ZNF385D: variants seen among roughly 807,000 people sequenced by gnomAD.
ZNF385D encodes the protein zinc finger protein 385D.
Under a neutral mutation model 35.8 loss-of-function variants are expected in ZNF385D, and 15 were observed. That is an observed-to-expected ratio of 0.42 (90% confidence interval 0.28 to 0.64). The LOEUF (loss-of-function observed/expected upper bound fraction) is 0.64, where lower values mean the gene tolerates loss of function less well. ZNF385D is among the 30% of genes least tolerant of loss of function. ZNF385D has a pLI of 0.23. For synonymous variants in ZNF385D, 212 were observed against 186.8 expected, an observed-to-expected ratio of 1.13 and a Z score of -1.10; for missense variants, 474 against 494.6, an observed-to-expected ratio of 0.96 and a Z score of 0.39.
chr3:21,503,575 T>A (rs993907562), intron 4 of ZNF385D, among the ~76,000 whole-genome samples: 2 of 152,178 alleles, frequency 1.3e-5, no homozygotes, highest in South Asian at 2.1e-4. Context: ...TGAATTTTTT[T>A]AAAAATGTGC....
chr3:22,040,441 C>T (rs1340155390), intron 3 of ZNF385D, among the ~76,000 whole-genome samples: 1 of 152,120 alleles, frequency 6.6e-6, no homozygotes, highest in African/African-American at 2.4e-5. Context: ...TCAAGGGTTG[C>T]AAGCCCAGCA....
At chr3:22,125,244 T>C (rs1703358988) in intron 3 of ZNF385D, among the ~76,000 whole-genome samples, 1 of 152,136 alleles carries the variant, frequency 6.6e-6, no homozygotes, top group Non-Finnish European at 1.5e-5. Context: ...AATTTATTTC[T>C]TGTTTCTCTA....
intron 2 of ZNF385D, among the ~76,000 whole-genome samples, chr3:22,285,677 C>A (rs373770894): frequency 1.2e-4 from 19 of 152,078 alleles, no homozygotes; most frequent in South Asian, 8.3e-4. Context: ...TGCTCTCCCT[C>A]CCCCCTCTCC....
At chr3:21,913,691 T>G (rs1393817282) in intron 3 of ZNF385D, among the ~76,000 whole-genome samples, 2 of 152,116 alleles carry the variant, frequency 1.3e-5, no homozygotes, top group African/African-American at 4.8e-5. Context: ...CAAATTCAGA[T>G]GAAAGTATCA....
At chr3:21,782,463 T>A (rs2071530345) in intron 3 of ZNF385D, among the ~76,000 whole-genome samples, 1 of 152,100 alleles carries the variant, frequency 6.6e-6, no homozygotes, top group Non-Finnish European at 1.5e-5. Flanking sequence ...CAAATGAGCT[T>A]CTAATTCAGG....
intron 3 of ZNF385D, among the ~76,000 whole-genome samples, chr3:22,116,809 T>C (rs773465377): frequency 2.6e-5 from 4 of 152,032 alleles, no homozygotes; most frequent in Non-Finnish European, 4.4e-5. Context: ...ATAAATATGA[T>C]GAAAGGTTTA....
chr3:22,343,361 C>T (rs575834608), intron 2 of ZNF385D, among the ~76,000 whole-genome samples: 75 of 152,348 alleles, frequency 4.9e-4, no homozygotes, highest in African/African-American at 1.8e-3. Context: ...CACATACTTC[C>T]TCTTTATTTC....
intron 2 of ZNF385D, among the ~76,000 whole-genome samples, chr3:22,353,792 T>A (rs1696025350): frequency 6.6e-6 from 1 of 152,116 alleles, no homozygotes; most frequent in Non-Finnish European, 1.5e-5. Flanking sequence ...TCTTTACACT[T>A]TCCTATTAAC....
At chr3:21,694,061 TGA>T in intron 1 of ZNF385D, among the ~76,000 whole-genome samples, 1 of 124,152 alleles carries the variant, frequency 8.1e-6, no homozygotes. Context: ...TTTTTTTTTT[TGA>T]GACAGAGTCT....
chr3:21,971,303 AAGTT>A (rs1440175015), intron 3 of ZNF385D, among the ~76,000 whole-genome samples: 1 of 152,052 alleles, frequency 6.6e-6, no homozygotes, highest in African/African-American at 2.4e-5. Flanking sequence ...AAAAAACAAA[AAGTT>A]AGAAAACAGG....
intron 3 of ZNF385D, among the ~76,000 whole-genome samples, chr3:21,910,283 T>A (rs758036725): frequency 1.3e-5 from 2 of 151,932 alleles, no homozygotes; most frequent in Non-Finnish European, 2.9e-5. Context: ...GTTCATTATA[T>A]AGGTTGCATA....
At chr3:21,839,302 G>T (rs1461001172) in intron 3 of ZNF385D, among the ~76,000 whole-genome samples, 1 of 151,906 alleles carries the variant, frequency 6.6e-6, no homozygotes, top group East Asian at 1.9e-4. Flanking sequence ...AAATTCTCAG[G>T]AGTAGCTAGC....
intron 3 of ZNF385D, among the ~76,000 whole-genome samples, chr3:21,961,875 G>C (rs1702616072): frequency 6.6e-6 from 1 of 152,056 alleles, no homozygotes; most frequent in Admixed American, 6.6e-5. Context: ...AATGACCATA[G>C]AGCTTATGAG....
chr3:22,100,349 C>G (rs28513513), intron 3 of ZNF385D, among the ~76,000 whole-genome samples: 1 of 142,720 alleles, frequency 7.0e-6, no homozygotes, highest in African/African-American at 2.7e-5. Context: ...ACCCAAAGGA[C>G]TATAAATCAT....
chr3:22,208,581 A>G lies in ZNF385D; in HGVS notation c.107-39546T>C, dbSNP rs184115674. Among the ~76,000 whole-genome samples, 20 of 151,950 alleles carry G rather than the reference A, an allele frequency of 1.3e-4. 1 individual carries two copies. In the East Asian group the frequency reaches 3.7e-3, roughly 28 times the overall value. ...TAAAAGTATATAATTATATTGTAAC[A>G]AAAAGGATAAATGCTTGATGTAATG... On this transcript the variant is annotated intron_variant, in intron 2 of 5. Transcript: ENST00000494108.
At chr3:21,972,029 T>C (rs1027319779) in intron 3 of ZNF385D, among the ~76,000 whole-genome samples, 2 of 151,940 alleles carry the variant, frequency 1.3e-5, no homozygotes, top group Non-Finnish European at 2.9e-5. Flanking sequence ...CAACATCCAT[T>C]TTCAGCAGCG....
intron 2 of ZNF385D, among the ~76,000 whole-genome samples, chr3:21,636,357 TATATGATTATATATATATGATTA>T (rs2065433539): frequency 7.3e-6 from 1 of 136,858 alleles, no homozygotes; most frequent in Non-Finnish European, 1.6e-5. Context: ...TATATGATTA[TATATGATTATATATATATGATTA>T]TATATATATA....
chr3:22,194,763 G>C (rs1459729986), intron 2 of ZNF385D, among the ~76,000 whole-genome samples: 2 of 151,782 alleles, frequency 1.3e-5, no homozygotes, highest in African/African-American at 4.8e-5. Context: ...GTGCCCCTTT[G>C]AGACTGGCTT....
intron 2 of ZNF385D, among the ~76,000 whole-genome samples, chr3:21,649,237 A>C (rs2065844128): frequency 1.3e-5 from 2 of 152,210 alleles, no homozygotes; most frequent in African/African-American, 4.8e-5. Context: ...ATAACTTAAA[A>C]GTATGTGCAC....
Sources: allele counts gnomAD v4.1 joint callset (sites outside exome capture counted in the v4.1 genomes callset), GRCh38; gene constraint gnomAD v4.1.1; transcripts MANE v1.5; gene names NCBI Gene and HGNC (gene_info 2026-07-23, HGNC 2026-07-21).